The following BOP1 variants were observed in gnomAD, a reference collection of about 807,000 sequenced individuals.
BOP1 encodes ribosome biogenesis protein BOP1.
A neutral mutation model predicts 82.9 loss-of-function variants in BOP1; 54 were observed. The observed-to-expected ratio is 0.65, with a 90% confidence interval of 0.52 to 0.82. The LOEUF (loss-of-function observed/expected upper bound fraction) is 0.82, where lower values mean the gene tolerates loss of function less well. BOP1 is among the 40% of genes least tolerant of loss of function. The pLI, the probability that BOP1 is intolerant of heterozygous loss-of-function variation, is 0.00. For synonymous variants in BOP1, 566 were observed against 451.1 expected (o/e 1.25, Z -3.23); for missense variants, 1,170 against 1,072.0 (o/e 1.09, Z -1.28).
chr8:144,263,849 G>A lies in BOP1; in HGVS notation c.1203C>T (p.Phe401=). ...KLPRPRDLQP[F]PTCQALVYRG... is the part of the protein sequence containing the mutation. ...CACTTACCAGGGCCTGGCACGTGGG[G>A]AAGGGCTGCAGGTCCCTCGGCCGAG... The change falls in exon 9 of 16, where the codon TTC becomes TTT. Residue 401 remains phenylalanine, a synonymous_variant. Transcript: ENST00000569669. 3 of 1,611,522 alleles carry A rather than the reference G, an allele frequency of 1.9e-6. No homozygotes were observed. The highest frequency in any genetic ancestry group is 1.1e-5 in the South Asian group (1 of 90,972).
chr8:144,265,066 G>A lies in BOP1; in HGVS notation c.396C>T (p.Ile132=). 2 of 1,609,514 alleles carry A rather than the reference G, an allele frequency of 1.2e-6. No homozygotes were observed. The highest frequency in any genetic ancestry group is 1.7e-6 in the Non-Finnish European group (2 of 1,178,040). The part of the protein sequence containing the change: ...YAEDSSDEED[I]RNTVGNVPLE... ...AGGGCACGTTGCCCACCGTGTTCCG[G>A]ATGTCCTGCAGCCGGGGGCCACCAT... Residue 132 remains isoleucine (I), a synonymous_variant, in exon 4 of 16, where the codon ATC becomes ATT. Coordinates refer to ENST00000569669, the MANE Select transcript of BOP1 (RefSeq NM_015201.5).
chr8:144,288,109 T>C (rs1554839648), intron 2 of BOP1, among the ~76,000 whole-genome samples: 1 of 150,980 alleles, frequency 6.6e-6, no homozygotes, highest in Non-Finnish European at 1.5e-5. Context: ...CTACTAAACA[T>C]ACAAAAAAAA....
intron 3 of BOP1, among the ~76,000 whole-genome samples, chr8:144,269,161 A>G (rs1651170972): frequency 6.6e-6 from 1 of 152,200 alleles, no homozygotes; most frequent in Non-Finnish European, 1.5e-5. Context: ...TAGCCCCCAC[A>G]GTGCTCTGTG....
intron 2 of BOP1, among the ~76,000 whole-genome samples, chr8:144,285,797 G>A (rs1814850916): frequency 6.6e-6 from 1 of 152,264 alleles, no homozygotes; most frequent in Non-Finnish European, 1.5e-5. Flanking sequence ...AGGGTGTCTG[G>A]CAGAGCCCCT....
intron 1 of BOP1, among the ~76,000 whole-genome samples, chr8:144,290,159 G>C (rs1020734538): frequency 6.6e-6 from 1 of 152,118 alleles, no homozygotes; most frequent in Non-Finnish European, 1.5e-5. Context: ...AGGAGTTCAA[G>C]ACCAGCCTGG....
chr8:144,264,356 G>C lies in BOP1; in HGVS notation c.847C>G (p.Leu283Val). The part of the protein sequence containing the change: ...PRDPTPSFYD[L>V]WAQEDPNAVL... ...GCGTTGGGGTCCTCCTGGGCCCACA[G>C]GTCATAGAAGCTGGGGGTGGGGTCT... The change falls in exon 7 of 16, where the codon CTG becomes GTG. Residue 283 changes from leucine (L) to valine (V), a missense_variant. By Grantham distance (32) the Leu-to-Val change is conservative (BLOSUM62 1). Coordinates refer to ENST00000569669, the MANE Select transcript of BOP1 (RefSeq NM_015201.5). 6.2e-7 allele frequency: 1 copy of C among 1,606,378 alleles called. No homozygotes were observed. Among genetic ancestry groups the C allele is most frequent in the Non-Finnish European group, 8.5e-7 (1 of 1,179,706 alleles).
At chr8:144,277,913 T>A (rs1845595851) in intron 2 of BOP1, among the ~76,000 whole-genome samples, 1 of 100,852 alleles carries the variant, frequency 9.9e-6, no homozygotes. Context: ...GTATTTTTTT[T>A]AACTTAAAAA....
In BOP1 at chr8:144,289,076, G is replaced by A. The variant is rs782291307; in HGVS notation, c.309+19C>T. On this transcript the variant is annotated intron_variant, in intron 2 of 15. Transcript: ENST00000569669. Reference sequence around the variant, plus strand: ...TGCACATGGGGGACAGCCCTCGAGGGGGCTCCTCGCTCACCCACCTGCACC... The same window carrying A: ...TGCACATGGGGGACAGCCCTCGAGGAGGCTCCTCGCTCACCCACCTGCACC... 1 of 1,613,624 alleles carries A rather than the reference G, an allele frequency of 6.2e-7. No individual in the cohort carries two copies. Among genetic ancestry groups the A allele is most frequent in the East Asian group, 2.2e-5 (1 of 44,880 alleles).
intron 2 of BOP1, among the ~76,000 whole-genome samples, chr8:144,276,747 G>A (rs1427407355): frequency 1.3e-5 from 2 of 152,226 alleles, no homozygotes; most frequent in Non-Finnish European, 2.9e-5. Flanking sequence ...GCATGGTCGG[G>A]GGGAAGAAGG....
chr8:144,268,595 C>T (rs1043138866), intron 3 of BOP1: 1 of 206,440 alleles, frequency 4.8e-6, no homozygotes, highest in African/African-American at 2.4e-5. Context: ...ACCCCGGCTC[C>T]CTGGGAAGCC....
At chr8:144,281,762 A>G (rs1845688346) in intron 2 of BOP1, 1 of 152,208 alleles carries the variant, frequency 6.6e-6, no homozygotes, top group Non-Finnish European at 1.5e-5. Flanking sequence ...CCCAGGCTCA[A>G]GCAATTCACA....
rs1491173590 is a variant in BOP1, at chr8:144,263,946, CTGTGCCACCCCCCTGG to C, written c.1140+19_1140+34del. ...GAGAGCGCCAGGTCAGCCTTGCCCC[CTGTGCCACCCCCCTGG>C]TGTGCCACCCCCACACACCCTCATC... On this transcript the variant is annotated intron_variant, in intron 8 of 15. Coordinates refer to ENST00000569669, the MANE Select transcript of BOP1 (RefSeq NM_015201.5). 8 of 1,611,178 alleles carry C rather than the reference CTGTGCCACCCCCCTGG, an allele frequency of 5.0e-6. No individual in the cohort carries two copies. The highest frequency in any genetic ancestry group is 2.7e-5 in the African/African-American group (2 of 74,872).
chr8:144,267,074 G>A (rs1429925368), intron 3 of BOP1: 5 of 1,405,414 alleles, frequency 3.6e-6, no homozygotes, highest in East Asian at 3.1e-5. Flanking sequence ...CACGCGGCGC[G>A]CGCCGGCAGC....
chr8:144,282,182 A>C (rs1845696389), intron 2 of BOP1, among the ~76,000 whole-genome samples: 2 of 152,168 alleles, frequency 1.3e-5, no homozygotes, highest in Admixed American at 1.3e-4. Flanking sequence ...GGCCGGCAGG[A>C]GGCAGCTTCC....
rs782695066 is a variant in BOP1 at position 144,289,229 on chromosome 8, C to T, written c.175G>A (p.Val59Met). The T allele has an allele frequency of 5.6e-6, 9 of 1,614,100 alleles. No individual in the cohort carries two copies. The East Asian group carries it at 1.3e-4, about 24-fold the overall frequency. ...DSGVSDSEESVFSGLEDSGSD... is the reference protein window; with the variant it reads ...DSGVSDSEESMFSGLEDSGSD... Reference sequence around the variant, plus strand: ...CCGGAATCTTCCAGGCCTGAGAACACACTTTCCTCGCTGTCGGAGACGCCA... The same window carrying T: ...CCGGAATCTTCCAGGCCTGAGAACATACTTTCCTCGCTGTCGGAGACGCCA... The change falls in exon 2 of 16, where the codon GTG becomes ATG. Residue 59 changes from valine (V) to methionine (M), a missense_variant. Physicochemically the swap from Val to Met is conservative, Grantham distance 21 (BLOSUM62 1). Transcript: ENST00000569669.
chr8:144,268,877 G>A (rs1375621094), intron 3 of BOP1, among the ~76,000 whole-genome samples: 1 of 152,190 alleles, frequency 6.6e-6, no homozygotes, highest in African/African-American at 2.4e-5. Context: ...GGCACCCGGG[G>A]GCCCTGAGGG....
chr8:144,263,059 A>G lies in BOP1; in HGVS notation c.1688T>C (p.Ile563Thr). The G allele has an allele frequency of 2.5e-6, 4 of 1,585,894 alleles. No homozygotes were observed. The highest frequency in any genetic ancestry group is 2.6e-6 in the Non-Finnish European group (3 of 1,175,136). The change falls in exon 13 of 16, where the codon ATT (isoleucine) becomes ACT (threonine). Residue 563 changes from isoleucine to threonine, a missense_variant. Coordinates refer to ENST00000569669, the MANE Select transcript of BOP1 (RefSeq NM_015201.5). ...GCTGCGGCGACGGCTCAGCTGGTGA[A>G]TCAGCACCTGGGTGTGGCCTTGGGT... ...LATQGHTQVL[I>T]HQLSRRRSQS...
intron 3 of BOP1, among the ~76,000 whole-genome samples, chr8:144,276,010 A>C (rs1156963063): frequency 5.9e-5 from 9 of 152,208 alleles, no homozygotes; most frequent in African/African-American, 2.2e-4. Context: ...AGCCATGATG[A>C]CACACATACA....
chr8:144,280,501 C>T (rs587598120), intron 2 of BOP1, among the ~76,000 whole-genome samples: 22 of 152,376 alleles, frequency 1.4e-4, no homozygotes, highest in East Asian at 1.3e-3. Flanking sequence ...GAGACGCTGG[C>T]GGGATCCCCT....
Sources: allele counts gnomAD v4.1 joint callset (sites outside exome capture counted in the v4.1 genomes callset), GRCh38; gene constraint gnomAD v4.1.1; transcripts MANE v1.5; gene names NCBI Gene and HGNC (gene_info 2026-07-23, HGNC 2026-07-21).